NDRG3: variants seen among roughly 807,000 people sequenced by gnomAD.
NDRG3 encodes the protein protein NDRG3.
A neutral mutation model predicts 57.2 loss-of-function variants in NDRG3; 23 were observed. The observed-to-expected ratio is 0.40, with a 90% confidence interval of 0.29 to 0.57. The LOEUF is 0.57. NDRG3 is among the 20% of genes least tolerant of loss of function. NDRG3 has a pLI of 0.42. For synonymous variants in NDRG3, 132 were observed against 162.6 expected, an observed-to-expected ratio of 0.81 and a Z score of 1.43; for missense variants, 384 against 457.3, an observed-to-expected ratio of 0.84 and a Z score of 1.46.
intron 8 of NDRG3, among the ~76,000 whole-genome samples, chr20:36,672,422 G>A (rs1027976640): frequency 6.6e-6 from 1 of 152,178 alleles, no homozygotes; most frequent in South Asian, 2.1e-4. Flanking sequence ...GAGGCACTGA[G>A]GGAGACAGAC....
chr20:36,688,996 A>G (rs1441025517), intron 3 of NDRG3, among the ~76,000 whole-genome samples: 1 of 152,118 alleles, frequency 6.6e-6, no homozygotes, highest in Non-Finnish European at 1.5e-5. Flanking sequence ...GACTTTGAGG[A>G]TCAGCCTGGC....
intron 1 of NDRG3, among the ~76,000 whole-genome samples, chr20:36,722,470 T>C (rs886070503): frequency 2.6e-5 from 4 of 152,302 alleles, no homozygotes; most frequent in Admixed American, 2.0e-4. Context: ...ATACAATTAA[T>C]ACAATAGTCT....
At chr20:36,744,968 G>A (rs1324171955) in intron 1 of NDRG3, among the ~76,000 whole-genome samples, 9 of 31,318 alleles carry the variant, frequency 2.9e-4, no homozygotes, top group South Asian at 1.2e-3. Flanking sequence ...GCCAGGGTAA[G>A]GGGGGGGGGG....
rs570638532 is a variant in NDRG3, at chr20:36,702,585, T to A, written c.93+4387A>T. On this transcript the variant is annotated intron_variant, in intron 3 of 15. Coordinates refer to ENST00000349004, the MANE Select transcript of NDRG3 (RefSeq NM_032013.4). ...GTCACCCAGGCTGCAGTGCAAAGGC[T>A]CAATCTCAGCTCACTGCACACTCTG... is the stretch of plus-strand genomic sequence containing the variant. Among the ~76,000 whole-genome samples the A allele has an allele frequency of 3.7e-4, 56 of 151,850 alleles. 1 individual carries two copies. The highest frequency in any genetic ancestry group is 2.9e-3 in the Admixed American group (44 of 15,224).
At chr20:36,686,698 C>T (rs992799923) in intron 5 of NDRG3, among the ~76,000 whole-genome samples, 2 of 152,140 alleles carry the variant, frequency 1.3e-5, no homozygotes, top group African/African-American at 4.8e-5. Flanking sequence ...AATCAATCAC[C>T]CCACACCTCT....
At chr20:36,736,327 C>T (rs753901664) in intron 1 of NDRG3, among the ~76,000 whole-genome samples, 6 of 152,182 alleles carry the variant, frequency 3.9e-5, no homozygotes, top group Non-Finnish European at 8.8e-5. Context: ...TTCTTACATG[C>T]AGCTAGGGCT....
At chr20:36,723,666 G>A (rs1984739763) in intron 1 of NDRG3, among the ~76,000 whole-genome samples, 1 of 149,304 alleles carries the variant, frequency 6.7e-6, no homozygotes, top group African/African-American at 2.5e-5. Flanking sequence ...TCTAGTGTGT[G>A]TGTGTGTGTG....
chr20:36,700,531 A>T (rs778243274), intron 3 of NDRG3: 1 of 527,024 alleles, frequency 1.9e-6, no homozygotes, highest in Non-Finnish European at 3.9e-6. Flanking sequence ...ACCCTGGCTA[A>T]GGAGCTGATT....
intron 1 of NDRG3, among the ~76,000 whole-genome samples, chr20:36,745,082 T>C (rs1986122824): frequency 6.6e-6 from 1 of 151,314 alleles, no homozygotes; most frequent in African/African-American, 2.4e-5. Flanking sequence ...ACGGGGCTCC[T>C]AGTCTACCTG....
chr20:36,668,987 T>C (rs1024237092), intron 9 of NDRG3, among the ~76,000 whole-genome samples: 1 of 151,904 alleles, frequency 6.6e-6, no homozygotes. Flanking sequence ...TGGGCTCAAG[T>C]GATCCTCCCA....
Position 36,680,808 on chromosome 20 carries a change from G to A in NDRG3, c.531+8C>T, listed in dbSNP as rs1426598493. On this transcript the variant is annotated splice_region_variant and intron_variant, in intron 8 of 15. Transcript: ENST00000349004. ...ATAAGCCGATGGACACCTTCATGTG[G>A]TACTTACTTTGGAAGCTGCCCAGTC... The A allele has an allele frequency of 1.2e-6, 2 of 1,611,928 alleles. No homozygotes were observed. The highest frequency in any genetic ancestry group is 1.7e-6 in the Non-Finnish European group (2 of 1,178,148).
At chr20:36,680,255 G>C (rs558195205) in intron 8 of NDRG3, among the ~76,000 whole-genome samples, 41 of 151,946 alleles carry the variant, frequency 2.7e-4, no homozygotes, top group Middle Eastern at 6.8e-3. Flanking sequence ...GGGAGGCCGA[G>C]GCGGGTGGAT....
intron 8 of NDRG3, among the ~76,000 whole-genome samples, chr20:36,677,385 T>A (rs912686238): frequency 1.3e-5 from 2 of 152,098 alleles, no homozygotes; most frequent in Admixed American, 6.5e-5. Context: ...CCCAGACCAG[T>A]CAGGACTTGT....
At chr20:36,716,962 T>C (rs906806715) in intron 2 of NDRG3, among the ~76,000 whole-genome samples, 2 of 152,218 alleles carry the variant, frequency 1.3e-5, no homozygotes, top group Non-Finnish European at 2.9e-5. Flanking sequence ...CTCAGTGTCA[T>C]CTGTAAAATA....
intron 3 of NDRG3, among the ~76,000 whole-genome samples, chr20:36,695,796 C>T (rs956452134): frequency 6.6e-6 from 1 of 152,168 alleles, no homozygotes; most frequent in Non-Finnish European, 1.5e-5. Context: ...TGTGACCTTG[C>T]CCTATCCATT....
At chr20:36,656,020 GCTA>G (rs1400557708) in intron 15 of NDRG3, among the ~76,000 whole-genome samples, 1 of 151,412 alleles carries the variant, frequency 6.6e-6, no homozygotes, top group Non-Finnish European at 1.5e-5. Context: ...TGTAGTCCCA[GCTA>G]CTTGGGAGGC....
At chr20:36,695,094 C>A (rs569278784) in intron 3 of NDRG3, among the ~76,000 whole-genome samples, 2 of 152,160 alleles carry the variant, frequency 1.3e-5, no homozygotes, top group Admixed American at 1.3e-4. Context: ...ATTTCTTATG[C>A]CAGTCTTTAC....
intron 7 of NDRG3, 55 bp from the exon 8 acceptor site, chr20:36,680,957 A>C: frequency 2.8e-6 from 4 of 1,411,880 alleles, no homozygotes; most frequent in Non-Finnish European, 3.0e-6. Flanking sequence ...CAGTTCTTCT[A>C]AACAGTTGGA....
At chr20:36,739,543 C>T (rs375271045) in intron 1 of NDRG3, among the ~76,000 whole-genome samples, 1 of 151,540 alleles carries the variant, frequency 6.6e-6, no homozygotes, top group Non-Finnish European at 1.5e-5. Context: ...CACAGTGGCT[C>T]ACACCTGTAA....
Sources: allele counts gnomAD v4.1 joint callset (sites outside exome capture counted in the v4.1 genomes callset), GRCh38; gene constraint gnomAD v4.1.1; transcripts MANE v1.5; gene names NCBI Gene and HGNC (gene_info 2026-07-23, HGNC 2026-07-21).